EPS15: variants seen among roughly 807,000 people sequenced by gnomAD.
EPS15 encodes epidermal growth factor receptor substrate 15.
EPS15 carries 72 observed loss-of-function variants against 113.8 expected under a neutral mutation model. The ratio of observed to expected loss-of-function variants is 0.63; its 90% confidence interval spans 0.52 to 0.77. EPS15 has a LOEUF of 0.77. EPS15 is among the 30% of genes least tolerant of loss of function. EPS15 has a pLI of 0.00. For synonymous variants in EPS15, 344 were observed against 363.4 expected, an observed-to-expected ratio of 0.95 and a Z score of 0.61; for missense variants, 1,048 against 1,045.8, an observed-to-expected ratio of 1.00 and a Z score of -0.03.
intron 15 of EPS15, 46 bp downstream of exon 15, chr1:51,408,089 C>T (rs1226240189): frequency 6.6e-7 from 1 of 1,506,952 alleles, no homozygotes; most frequent in Non-Finnish European, 9.2e-7. Flanking sequence ...GACTAAAGGA[C>T]ACAGAGGATC....
chr1:51,463,545 A>C (rs1253370329), intron 7 of EPS15, 128 bp downstream of exon 7: 8 of 553,138 alleles, frequency 1.4e-5, no homozygotes, highest in Non-Finnish European at 2.4e-5. Flanking sequence ...AAAACAAAAA[A>C]TCCTATAATG....
chr1:51,448,824 C>G (rs548003786), intron 8 of EPS15, among the ~76,000 whole-genome samples: 1 of 152,138 alleles, frequency 6.6e-6, no homozygotes, highest in East Asian at 1.9e-4. Flanking sequence ...TAAATAAAAG[C>G]TCTCTGCCCT....
chr1:51,391,142 T>G (rs1219679936), intron 21 of EPS15, among the ~76,000 whole-genome samples: 1 of 152,116 alleles, frequency 6.6e-6, no homozygotes, highest in African/African-American at 2.4e-5. Context: ...CCATAAAAAA[T>G]GATGAGTTCA....
intron 24 of EPS15, among the ~76,000 whole-genome samples, chr1:51,358,713 T>G (rs1042854589): frequency 1.3e-4 from 20 of 149,086 alleles, no homozygotes; most frequent in African/African-American, 4.5e-4. Context: ...TTTTTTGTTT[T>G]TTTTTTTTTT....
Position 51,492,715 on chromosome 1 carries a change from C to CA in EPS15, c.34-11402dup, listed in dbSNP as rs199664210. ...TAGGTAGGCCAAAAAAACAAACAAA[C>CA]AAACAAAAAAAACAGATCAGTGGAA... On this transcript the variant is annotated intron_variant, in intron 1 of 24. Transcript: ENST00000371733. Among the ~76,000 whole-genome samples the CA allele has an allele frequency of 9.3e-3, 1,410 of 151,890 alleles. 20 individuals are homozygous for CA. Among genetic ancestry groups the CA allele is most frequent in the African/African-American group, 0.033 (1,347 of 41,318 alleles).
chr1:51,499,043 A>G (rs1644371696), intron 1 of EPS15, among the ~76,000 whole-genome samples: 1 of 152,192 alleles, frequency 6.6e-6, no homozygotes, highest in Admixed American at 6.5e-5. Flanking sequence ...CCCTTCTACC[A>G]TATGAGGATG....
chr1:51,513,883 GA>G (rs1475847402), intron 1 of EPS15, among the ~76,000 whole-genome samples: 1 of 151,988 alleles, frequency 6.6e-6, no homozygotes, highest in Non-Finnish European at 1.5e-5. Flanking sequence ...CACAATCTTA[GA>G]ACACAAAGCT....
chr1:51,439,072 T>C (rs774785137), intron 12 of EPS15, among the ~76,000 whole-genome samples: 2 of 152,102 alleles, frequency 1.3e-5, no homozygotes, highest in Admixed American at 1.3e-4. Flanking sequence ...TATAAGTACA[T>C]GTAGCTAGAT....
chr1:51,408,845 G>A lies in EPS15; in HGVS notation c.1276-513C>T, dbSNP rs576359959. On this transcript the variant is annotated intron_variant, in intron 14 of 24. Coordinates refer to ENST00000371733, the MANE Select transcript of EPS15 (RefSeq NM_001981.3). ...GACAGAGTCTCGCTCTGTTGCCCAGGCTGGAGTGCAGTGGCGTGATCTCAG... is the reference window on the plus strand; with the variant it reads ...GACAGAGTCTCGCTCTGTTGCCCAGACTGGAGTGCAGTGGCGTGATCTCAG... 1.5e-4 allele frequency among the ~76,000 whole-genome samples: 22 copies of A among 150,392 alleles called. No individual in the cohort carries two copies. The East Asian group carries it at 3.1e-3, about 21-fold the overall frequency.
chr1:51,384,473 G>C (rs115683130), intron 21 of EPS15, among the ~76,000 whole-genome samples: 3,322 of 151,540 alleles, frequency 0.022, 32 homozygotes, highest in Middle Eastern at 0.034. Flanking sequence ...GCTAATTTTT[G>C]CATTTTTTTG....
Position 51,366,130 on chromosome 1 carries a change from C to T in EPS15, c.2120-101G>A, listed in dbSNP as rs115070053. 207 of 714,068 alleles carry T rather than the reference C, an allele frequency of 2.9e-4. 1 individual carries two copies. In the African/African-American group the frequency reaches 3.3e-3, roughly 11 times the overall value. The allele number at this position is 714,068 out of a possible 1,614,324, so 44.2% of individuals were successfully genotyped here. ...CCACCCAGCCTCAAGAGCAGTGGTA[C>T]GATCATGGCTCACTGCAGCCTCAAT... On this transcript the variant is annotated intron_variant, in intron 21 of 24. Transcript: ENST00000371733.
intron 1 of EPS15, among the ~76,000 whole-genome samples, chr1:51,508,033 T>C (rs532729106): frequency 6.6e-6 from 1 of 151,622 alleles, no homozygotes; most frequent in African/African-American, 2.4e-5. Flanking sequence ...AATACAAAAA[T>C]TGGCTGGGCA....
intron 7 of EPS15, among the ~76,000 whole-genome samples, chr1:51,462,884 TTTTTTTTTTTTC>T: frequency 6.8e-6 from 1 of 146,988 alleles, no homozygotes; most frequent in Non-Finnish European, 1.5e-5. Flanking sequence ...TTTTTTTTTT[TTTTTTTTTTTTC>T]TAAGACAGTC....
At chr1:51,362,456 A>G (rs72694130) in intron 23 of EPS15, among the ~76,000 whole-genome samples, 4,576 of 152,252 alleles carry the variant, frequency 0.03, 75 homozygotes, top group African/African-American at 0.05. Context: ...TTGAGCAAAA[A>G]CACTAGCATA....
rs1646487133 is a variant in EPS15, at chr1:51,365,418, C to A, written c.2196+535G>T. 3.3e-5 allele frequency among the ~76,000 whole-genome samples: 5 copies of A among 152,178 alleles called. No homozygotes were observed. The South Asian group carries it at 1.0e-3, about 31-fold the overall frequency. On this transcript the variant is annotated intron_variant, in intron 22 of 24. Transcript: ENST00000371733. ...AAATGTTCCTCTGGTGGCAAAATAA[C>A]CCTCAGTTGAGAACCAAGGAACCAA...
At chr1:51,490,329 G>A (rs979743629) in intron 1 of EPS15, 5 of 440,310 alleles carry the variant, frequency 1.1e-5, no homozygotes, top group East Asian at 8.0e-5. Flanking sequence ...ACTCTGGGCG[G>A]CCAAAGCGGG....
chr1:51,378,112 G>A (rs34534391), intron 21 of EPS15, among the ~76,000 whole-genome samples: 3 of 151,884 alleles, frequency 2.0e-5, no homozygotes, highest in Non-Finnish European at 2.9e-5. Context: ...GCGCAGGCTG[G>A]TCTTGAACTC....
Position 51,429,712 on chromosome 1 carries a change from G to A in EPS15, c.1041-7854C>T, listed in dbSNP as rs547159805. Among the ~76,000 whole-genome samples, 266 of 150,406 alleles carry A rather than the reference G, an allele frequency of 1.8e-3. 1 individual carries two copies. The highest frequency in any genetic ancestry group is 6.3e-3 in the African/African-American group (258 of 40,886). ...GAAGCCCAGGTTGGAGTGCAGTGGC[G>A]CGATCTTGGCTCACTGCAACCTCTG... On this transcript the variant is annotated intron_variant, in intron 12 of 24. Transcript: ENST00000371733.
chr1:51,411,494 T>C (rs1649720167), intron 13 of EPS15, among the ~76,000 whole-genome samples: 1 of 152,248 alleles, frequency 6.6e-6, no homozygotes, highest in Non-Finnish European at 1.5e-5. Context: ...AAACAATTTC[T>C]GTATTTTAAT....
Sources: gnomAD v4.1 joint callset for allele counts (sites outside exome capture counted in the v4.1 genomes callset) on GRCh38, gnomAD v4.1.1 for gene constraint, MANE v1.5 for transcripts, NCBI Gene and HGNC (gene_info 2026-07-23, HGNC 2026-07-21) for gene names.